NAALADL2: variants seen among roughly 807,000 people sequenced by gnomAD.
The protein encoded by NAALADL2 is inactive N-acetylated-alpha-linked acidic dipeptidase-like protein 2.
In NAALADL2, 76 loss-of-function variants were observed where a neutral mutation model predicts 87.2. The observed-to-expected ratio is 0.87, with a 90% CI of 0.72 to 1.05. The LOEUF (loss-of-function observed/expected upper bound fraction) is 1.05, where lower values mean the gene tolerates loss of function less well. NAALADL2 is among the 50% of genes least tolerant of loss of function. The probability of loss-of-function intolerance (pLI) is 0.00; values close to 1 mark genes in which losing one functional copy is unlikely to be tolerated. For synonymous variants in NAALADL2, 354 were observed against 331.0 expected (o/e 1.07, Z -0.75); for missense variants, 1,089 against 945.8 (o/e 1.15, Z -1.99).
chr3:174,907,126 TAATC>T (rs1241929189), intron 1 of NAALADL2, among the ~76,000 whole-genome samples: 1 of 152,098 alleles, frequency 6.6e-6, no homozygotes, highest in Admixed American at 6.6e-5. Context: ...ATCTGATAAT[TAATC>T]AAACTCTTTC....
chr3:174,855,490 GT>G (rs1435450445), upstream of NAALADL2, among the ~76,000 whole-genome samples: 2 of 151,904 alleles, frequency 1.3e-5, no homozygotes, highest in Non-Finnish European at 2.9e-5. Context: ...AACTCTTAAT[GT>G]TTTGCTCTTG....
In NAALADL2 at chr3:175,541,847, A is replaced by G. The variant is rs116150910; in HGVS notation, c.1654-34194A>G. Among the ~76,000 whole-genome samples, 946 of 152,130 alleles carry G rather than the reference A, an allele frequency of 6.2e-3. 6 individuals are homozygous for G. Among genetic ancestry groups the G allele is most frequent in the African/African-American group, 0.022 (893 of 41,488 alleles). On this transcript the variant is annotated intron_variant, in intron 9 of 13. Coordinates refer to ENST00000454872, the MANE Select transcript of NAALADL2 (RefSeq NM_207015.3). ...AAGTGATTCTCCTGCCTCAACCTCA[A>G]ATATCTGGGATTACAGGTGTGTGAC...
chr3:175,754,872 C>T (rs1315077163), intron 12 of NAALADL2, among the ~76,000 whole-genome samples: 1 of 152,086 alleles, frequency 6.6e-6, no homozygotes. Context: ...CTTCAGCAAT[C>T]GGTACAGTAC....
intron 5 of NAALADL2, among the ~76,000 whole-genome samples, chr3:175,394,561 C>T (rs139737287): frequency 3.9e-5 from 6 of 152,228 alleles, no homozygotes; most frequent in South Asian, 2.1e-4. Context: ...TTGTGTTTTA[C>T]ACAACATATT....
At chr3:175,121,101 T>C (rs1198664769) in intron 2 of NAALADL2, among the ~76,000 whole-genome samples, 2 of 151,846 alleles carry the variant, frequency 1.3e-5, no homozygotes, top group Non-Finnish European at 2.9e-5. Context: ...TTTAGGTTAA[T>C]ATTTTCTCTG....
intron 11 of NAALADL2, among the ~76,000 whole-genome samples, chr3:175,661,461 C>T (rs1732244164): frequency 6.6e-6 from 1 of 151,694 alleles, no homozygotes; most frequent in Non-Finnish European, 1.5e-5. Context: ...TAAATTGTCA[C>T]TTCACTTTGT....
At chr3:174,696,678 G>A (rs1238859978) in intron 2 of NAALADL2, among the ~76,000 whole-genome samples, 1 of 149,828 alleles carries the variant, frequency 6.7e-6, no homozygotes, top group Non-Finnish European at 1.5e-5. Flanking sequence ...ACTGATCTAG[G>A]ATTATTAAAC....
At chr3:174,935,058 T>G (rs549933419) in intron 1 of NAALADL2, among the ~76,000 whole-genome samples, 72 of 152,300 alleles carry the variant, frequency 4.7e-4, no homozygotes, top group African/African-American at 1.7e-3. Context: ...GGGTATTAGC[T>G]TATGCAACTT....
intron 9 of NAALADL2, among the ~76,000 whole-genome samples, chr3:175,491,217 ATAT>A (rs1381108878): frequency 7.0e-5 from 10 of 141,944 alleles, no homozygotes; most frequent in African/African-American, 2.2e-4. Flanking sequence ...AATAAAATAA[ATAT>A]TATTTTATTG....
rs71164627 is a variant in NAALADL2, at chr3:175,292,593, T to TACACACACACACAC, written c.940-31565_940-31552dup. ...AATGCAGTCTGATTGTGAGTTGGGA[T>TACACACACACACAC]ACACACACACACACACACACACACA... On this transcript the variant is annotated intron_variant, in intron 4 of 13. Transcript: ENST00000454872. 6.8e-3 allele frequency among the ~76,000 whole-genome samples: 984 copies of TACACACACACACAC among 145,344 alleles called. 6 individuals are homozygous for TACACACACACACAC. Among genetic ancestry groups the TACACACACACACAC allele is most frequent in the East Asian group, 9.3e-3 (45 of 4,858 alleles).
rs144171777 is a variant in NAALADL2 at position 175,394,811 on chromosome 3, A to C, written c.1091-52418A>C. Among the ~76,000 whole-genome samples the C allele has an allele frequency of 4.9e-4, 74 of 152,296 alleles. No individual in the cohort carries two copies. The East Asian group carries it at 0.014, about 28-fold the overall frequency. ...CATATTTACTAAGCACTAATCATAT[A>C]CTGTGACAGTAACTTTCCAAGTCTG... On this transcript the variant is annotated intron_variant, in intron 5 of 13. Transcript: ENST00000454872.
chr3:174,972,523 A>G (rs75330334), intron 1 of NAALADL2, among the ~76,000 whole-genome samples: 6,323 of 152,160 alleles, frequency 0.042, 262 homozygotes, highest in East Asian at 0.17. Context: ...TTTATTATAG[A>G]GACATTAGTC....
chr3:175,714,326 A>G (rs1433618637), intron 11 of NAALADL2, among the ~76,000 whole-genome samples: 2 of 152,106 alleles, frequency 1.3e-5, no homozygotes, highest in Non-Finnish European at 2.9e-5. Context: ...ACAATGGTTG[A>G]ACTAATTTAT....
At chr3:174,885,181 A>G (rs190131498) in intron 1 of NAALADL2, among the ~76,000 whole-genome samples, 36 of 152,196 alleles carry the variant, frequency 2.4e-4, no homozygotes, top group African/African-American at 7.2e-4. Flanking sequence ...TTCCCAATCA[A>G]TGCCCTCAGT....
At chr3:174,851,688 A>G (rs1420498182) in intron 3 of NAALADL2, among the ~76,000 whole-genome samples, 1 of 151,998 alleles carries the variant, frequency 6.6e-6, no homozygotes, top group Non-Finnish European at 1.5e-5. Context: ...TACTCAAACT[A>G]TTTCAGAAAA....
At chr3:174,909,733 C>A (rs554101451) in intron 1 of NAALADL2, among the ~76,000 whole-genome samples, 10 of 152,190 alleles carry the variant, frequency 6.6e-5, no homozygotes, top group Admixed American at 5.2e-4. Flanking sequence ...ATAAAACGAA[C>A]TCTAAAAGGA....
chr3:174,540,301 A>G (rs182300869), intron 1 of NAALADL2, among the ~76,000 whole-genome samples: 105 of 152,268 alleles, frequency 6.9e-4, no homozygotes, highest in African/African-American at 2.4e-3. Context: ...AGGTGGTGGT[A>G]ACTGTATGCA....
chr3:175,701,822 ATTAAC>A (rs1308395830), intron 11 of NAALADL2, among the ~76,000 whole-genome samples: 1 of 152,166 alleles, frequency 6.6e-6, no homozygotes, highest in Non-Finnish European at 1.5e-5. Context: ...TTGTAATTGA[ATTAAC>A]TTCTCTATTT....
At chr3:175,223,409 G>A (rs1396918800) in intron 2 of NAALADL2, among the ~76,000 whole-genome samples, 1 of 149,820 alleles carries the variant, frequency 6.7e-6, no homozygotes, top group East Asian at 2.0e-4. Context: ...TGGCTAATTC[G>A]ATATTAGCAT....
Sources: gnomAD v4.1 joint callset for allele counts (sites outside exome capture counted in the v4.1 genomes callset) on GRCh38, gnomAD v4.1.1 for gene constraint, MANE v1.5 for transcripts, NCBI Gene and HGNC (gene_info 2026-07-23, HGNC 2026-07-21) for gene names.